HHAT: variants seen among roughly 807,000 people sequenced by gnomAD.
The protein encoded by HHAT is protein-cysteine N-palmitoyltransferase HHAT.
In HHAT, 47 loss-of-function variants were observed where a neutral mutation model predicts 70.8. The observed-to-expected ratio is 0.66, with a 90% CI of 0.53 to 0.85. The LOEUF (loss-of-function observed/expected upper bound fraction) is 0.85. HHAT is among the 40% of genes least tolerant of loss of function. HHAT has a pLI of 0.00. For synonymous variants in HHAT, 228 were observed against 247.6 expected, an observed-to-expected ratio of 0.92 and a Z score of 0.74; for missense variants, 609 against 604.8, an observed-to-expected ratio of 1.01 and a Z score of -0.07.
chr1:210,623,374 G>A (rs1283597850), intron 10 of HHAT, 152 bp from the exon 11 acceptor site: 3 of 843,676 alleles, frequency 3.6e-6, no homozygotes, highest in Middle Eastern at 3.7e-4. Flanking sequence ...CGCCCAGACA[G>A]GAATTGAAGT....
At chr1:210,489,358 G>T (rs2094518074) in intron 8 of HHAT, among the ~76,000 whole-genome samples, 1 of 152,168 alleles carries the variant, frequency 6.6e-6, no homozygotes, top group Non-Finnish European at 1.5e-5. Flanking sequence ...GATTCTTCAG[G>T]AGGAGTGACA....
At chr1:210,511,138 TG>T (rs1572937799) in intron 8 of HHAT, among the ~76,000 whole-genome samples, 1 of 152,220 alleles carries the variant, frequency 6.6e-6, no homozygotes, top group East Asian at 1.9e-4. Context: ...AAAAAATTTG[TG>T]TTAAATATAA....
intron 6 of HHAT, among the ~76,000 whole-genome samples, chr1:210,417,065 T>C (rs1385451225): frequency 6.6e-6 from 1 of 152,124 alleles, no homozygotes; most frequent in Non-Finnish European, 1.5e-5. Context: ...TAACAAAATA[T>C]TTAGGACTAA....
At chr1:210,395,415 T>G (rs1435217760) in intron 4 of HHAT, among the ~76,000 whole-genome samples, 2 of 126,860 alleles carry the variant, frequency 1.6e-5, no homozygotes, top group Non-Finnish European at 3.3e-5. Flanking sequence ...AAATCTGTAG[T>G]CTTTTCTTAA....
At chr1:210,345,666 CT>C (rs1392118112) in intron 1 of HHAT, among the ~76,000 whole-genome samples, 42 of 152,304 alleles carry the variant, frequency 2.8e-4, no homozygotes, top group African/African-American at 9.4e-4. Flanking sequence ...TAGGAACTTA[CT>C]TTTTGCTTAT....
At chr1:210,575,324 G>A (rs543801366) in intron 9 of HHAT, among the ~76,000 whole-genome samples, 80 of 152,286 alleles carry the variant, frequency 5.3e-4, no homozygotes, top group South Asian at 1.0e-3. Context: ...AAGACAGGCA[G>A]GCAGCCAGAA....
chr1:210,418,453 T>C (rs1046007332), intron 7 of HHAT, 128 bp downstream of exon 7: 10 of 793,582 alleles, frequency 1.3e-5, no homozygotes, highest in Non-Finnish European at 1.9e-5. Flanking sequence ...TTATTATTTT[T>C]TAACCTACTC....
chr1:210,436,838 C>A (rs1054490697), intron 7 of HHAT, among the ~76,000 whole-genome samples: 1 of 151,812 alleles, frequency 6.6e-6, no homozygotes, highest in African/African-American at 2.4e-5. Flanking sequence ...ACTATAACTC[C>A]TCTTTCACTT....
chr1:210,344,060 C>T (rs1338288), intron 1 of HHAT, among the ~76,000 whole-genome samples: 22,520 of 152,126 alleles, frequency 0.15, 1,955 homozygotes, highest in Admixed American at 0.28. Flanking sequence ...TCTCCCTGCA[C>T]CAGCCCACCC....
intron 11 of HHAT, among the ~76,000 whole-genome samples, chr1:210,630,772 G>A (rs556921839): frequency 6.6e-6 from 1 of 152,172 alleles, no homozygotes; most frequent in Admixed American, 6.5e-5. Flanking sequence ...GCTTTTGCTG[G>A]AACTATTGGG....
intron 9 of HHAT, among the ~76,000 whole-genome samples, chr1:210,523,676 C>T (rs2148613401): frequency 6.6e-6 from 1 of 152,334 alleles, no homozygotes; most frequent in East Asian, 1.9e-4. Flanking sequence ...GGGTCTGACT[C>T]ATCTGGATCT....
chr1:210,447,922 A>AC (rs1033577595), intron 7 of HHAT, among the ~76,000 whole-genome samples: 4 of 152,050 alleles, frequency 2.6e-5, no homozygotes, highest in Admixed American at 2.6e-4. Flanking sequence ...AAAGCGGAGG[A>AC]CCCAGACCCT....
In HHAT at chr1:210,645,186, C is replaced by CA. The variant is rs1412534594; in HGVS notation, c.1390+21517dup. On this transcript the variant is annotated intron_variant, in intron 11 of 11. Transcript: ENST00000261458. The stretch of plus-strand genomic sequence containing the variant: ...CTAGCGGACGGGACAGGCTTGCCGT[C>CA]ACACCTAGCTGCCTCCCTACCAGAT... 2.0e-3 allele frequency among the ~76,000 whole-genome samples: 299 copies of CA among 152,300 alleles called. 2 individuals carry two copies. The highest frequency in any genetic ancestry group is 9.0e-4 in the Non-Finnish European group (61 of 68,028).
At chr1:210,365,053 G>A (rs527844110) in intron 3 of HHAT, among the ~76,000 whole-genome samples, 5 of 152,252 alleles carry the variant, frequency 3.3e-5, no homozygotes, top group South Asian at 2.1e-4. Context: ...GGAGGAAATG[G>A]GTCCTGGTGA....
chr1:210,502,537 A>C (rs774716206), intron 8 of HHAT, among the ~76,000 whole-genome samples: 2 of 152,140 alleles, frequency 1.3e-5, no homozygotes, highest in Admixed American at 6.6e-5. Context: ...CAGGTCCCTT[A>C]TTGGCCGCAT....
chr1:210,507,069 G>A (rs1054270776), intron 8 of HHAT, among the ~76,000 whole-genome samples: 4 of 152,168 alleles, frequency 2.6e-5, no homozygotes, highest in African/African-American at 9.7e-5. Context: ...AAATGAGTCT[G>A]TGGTTGAATA....
At chr1:210,465,541 A>T (rs1469731303) in intron 8 of HHAT, among the ~76,000 whole-genome samples, 1 of 152,176 alleles carries the variant, frequency 6.6e-6, no homozygotes, top group Non-Finnish European at 1.5e-5. Flanking sequence ...ACAAGTTCTC[A>T]CTATGTTTCC....
At chr1:210,356,461 C>T (rs1341390611) in intron 2 of HHAT, among the ~76,000 whole-genome samples, 1 of 151,568 alleles carries the variant, frequency 6.6e-6, no homozygotes, top group Non-Finnish European at 1.5e-5. Context: ...CACCGGGGAG[C>T]CCTCATATTT....
intron 11 of HHAT, among the ~76,000 whole-genome samples, chr1:210,671,644 T>G (rs1680105552): frequency 6.6e-6 from 1 of 152,190 alleles, no homozygotes. Flanking sequence ...GATGCTGCCA[T>G]AAGCCAAGGG....
Sources: gnomAD v4.1 joint callset for allele counts (sites outside exome capture counted in the v4.1 genomes callset) on GRCh38, gnomAD v4.1.1 for gene constraint, MANE v1.5 for transcripts, NCBI Gene and HGNC (gene_info 2026-07-23, HGNC 2026-07-21) for gene names.